The following JAK1 variants were observed in gnomAD, a reference collection of about 807,000 sequenced individuals.
JAK1 encodes Janus kinase 1.
Under a neutral mutation model 136.6 loss-of-function variants are expected in JAK1, and 16 were observed. The observed-to-expected ratio is 0.12, with a 90% CI of 0.08 to 0.18. The LOEUF (loss-of-function observed/expected upper bound fraction) is 0.18, where lower values mean the gene tolerates loss of function less well. Among genes scored for constraint, JAK1 ranks in the 10% least tolerant of loss-of-function variants. The pLI is 1.00. For synonymous variants in JAK1, 492 were observed against 519.5 expected, an observed-to-expected ratio of 0.95 and a Z score of 0.72; for missense variants, 859 against 1,450.1, an observed-to-expected ratio of 0.59 and a Z score of 6.62.
chr1:65,002,050 T>A (rs1646763221), intron 2 of JAK1, among the ~76,000 whole-genome samples: 1 of 152,068 alleles, frequency 6.6e-6, no homozygotes, highest in South Asian at 2.1e-4. Flanking sequence ...ATCTTCCAAC[T>A]ACTCCTTACA....
At chr1:64,926,625 T>G (rs1311371129) in intron 1 of JAK1, among the ~76,000 whole-genome samples, 1 of 152,180 alleles carries the variant, frequency 6.6e-6, no homozygotes, top group Non-Finnish European at 1.5e-5. Flanking sequence ...TGACTTGATG[T>G]GGCTGCCATT....
Position 64,850,888 on chromosome 1 carries a change from A to G in JAK1, c.1671T>C (p.Ala557=). ...GCTGCCACTCCTGGGCTTTCTTAGT[A>G]GCCACCAGCAGGTTGGAGATTTCTG... is the stretch of plus-strand genomic sequence containing the variant. The part of the protein sequence containing the change: ...KPREISNLLV[A]TKKAQEWQPV... The change falls in exon 12 of 25, where the codon GCT becomes GCC. Residue 557 remains alanine, a synonymous_variant. Coordinates refer to ENST00000342505, the MANE Select transcript of JAK1 (RefSeq NM_002227.4). 6.2e-7 allele frequency: 1 copy of G among 1,613,754 alleles called. No homozygotes were observed. Among genetic ancestry groups the G allele is most frequent in the Non-Finnish European group, 8.5e-7 (1 of 1,179,672 alleles).
intron 1 of JAK1, among the ~76,000 whole-genome samples, chr1:64,926,149 A>G (rs889942057): frequency 2.0e-5 from 3 of 152,156 alleles, no homozygotes; most frequent in East Asian, 1.9e-4. Context: ...AAAGCTTCGC[A>G]ATGGCATCAA....
At position 64,860,191 on chromosome 1, in the gene JAK1, T is replaced by G. The variant is rs747334398; in HGVS notation, c.1248A>C (p.Thr416=). 7 of 1,611,598 alleles carry G rather than the reference T, an allele frequency of 4.3e-6. No homozygotes were observed. The highest frequency in any genetic ancestry group is 5.1e-6 in the Non-Finnish European group (6 of 1,178,282). ...VSLVDGYFRL[T]ADAHHYLCTD... is the part of the protein sequence containing the mutation. Reference sequence around the variant, plus strand: ...TGCAGAGGTAATGATGGGCATCTGCTGTGAGCCGGAAGTAGCCATCTACCA... The same window carrying G: ...TGCAGAGGTAATGATGGGCATCTGCGGTGAGCCGGAAGTAGCCATCTACCA... The change falls in exon 9 of 25, where the codon ACA becomes ACC. Residue 416 remains threonine (T), a synonymous_variant. Coordinates refer to ENST00000342505, the MANE Select transcript of JAK1 (RefSeq NM_002227.4).
At chr1:65,023,421 T>A (rs1360805894) in intron 2 of JAK1, among the ~76,000 whole-genome samples, 1 of 152,172 alleles carries the variant, frequency 6.6e-6, no homozygotes, top group African/African-American at 2.4e-5. Context: ...TTGTACACAT[T>A]AATGTAACTA....
chr1:64,989,740 G>A (rs980617234), intron 2 of JAK1: 8 of 152,138 alleles, frequency 5.3e-5, no homozygotes, highest in African/African-American at 1.7e-4. Context: ...TGAGAACAGA[G>A]TTTCTTTGGG....
intron 1 of JAK1, among the ~76,000 whole-genome samples, chr1:64,950,081 A>C (rs1646055174): frequency 6.6e-6 from 1 of 152,218 alleles, no homozygotes; most frequent in African/African-American, 2.4e-5. Context: ...GAAAAGAATA[A>C]GTAAAAACAT....
At chr1:64,874,142 G>A (rs1263504021) in intron 4 of JAK1, among the ~76,000 whole-genome samples, 2 of 152,114 alleles carry the variant, frequency 1.3e-5, no homozygotes, top group Non-Finnish European at 2.9e-5. Context: ...CTACAAGGAA[G>A]GTTTCATTCA....
At chr1:64,854,944 GGCAGCCCCCTGT>G (rs1158482607) in intron 11 of JAK1, among the ~76,000 whole-genome samples, 4 of 152,154 alleles carry the variant, frequency 2.6e-5, no homozygotes, top group Admixed American at 2.0e-4. Context: ...GCCTCCTCCA[GGCAGCCCCCTGT>G]GCCACGGAAC....
At position 64,883,470 on chromosome 1, in the gene JAK1, T is replaced by G. The variant is rs200903775; in HGVS notation, c.12A>C (p.Leu4=). ...TGGCATTGCAGTCCTCTTTTATATT[T>G]AGATACTGTTGTGGAAGGAAAACAA... MQY[L]NIKEDCNAMA... The change falls in exon 3 of 25, where the codon CTA becomes CTC. Residue 4 remains leucine (L), a synonymous_variant. Transcript: ENST00000342505. 3 of 1,613,260 alleles carry G rather than the reference T, an allele frequency of 1.9e-6. No individual in the cohort carries two copies. The highest frequency in any genetic ancestry group is 2.5e-6 in the Non-Finnish European group (3 of 1,179,460).
At chr1:64,846,924 C>G (rs1484286222) in intron 13 of JAK1, 188 bp from the exon 14 acceptor site, 1 of 587,418 alleles carries the variant, frequency 1.7e-6, no homozygotes, top group Non-Finnish European at 3.0e-6. Context: ...CTGGGCCAAC[C>G]TGGCAGGGAT....
At chr1:64,977,168 G>GT (rs1646503813) in intron 2 of JAK1, among the ~76,000 whole-genome samples, 2 of 76,318 alleles carry the variant, frequency 2.6e-5, no homozygotes, top group Non-Finnish European at 5.4e-5. Context: ...TTTGTTTGTT[G>GT]AGATAGGATC....
At chr1:65,025,803 G>A (rs569992231) in intron 2 of JAK1, among the ~76,000 whole-genome samples, 7 of 152,094 alleles carry the variant, frequency 4.6e-5, no homozygotes, top group South Asian at 2.1e-4. Flanking sequence ...TCAGCCTCCC[G>A]AGTAGCTGTG....
chr1:64,913,181 G>A (rs1304453618), intron 1 of JAK1, among the ~76,000 whole-genome samples: 2 of 152,040 alleles, frequency 1.3e-5, no homozygotes, highest in African/African-American at 2.4e-5. Context: ...ACACCATCAC[G>A]CCTGGCTAAT....
intron 12 of JAK1, among the ~76,000 whole-genome samples, chr1:64,850,098 G>A (rs558950473): frequency 6.6e-6 from 1 of 152,238 alleles, no homozygotes; most frequent in African/African-American, 2.4e-5. Context: ...GGTGGTGAGT[G>A]GCCCCGTGCT....
intron 1 of JAK1, among the ~76,000 whole-genome samples, chr1:65,059,300 T>C (rs890923436): frequency 2.0e-5 from 3 of 152,220 alleles, no homozygotes; most frequent in Admixed American, 6.5e-5. Context: ...ATATTCAGTT[T>C]ACACAAACAA....
Position 64,950,212 on chromosome 1 carries a change from A to T in JAK1, c.-78+16121T>A, listed in dbSNP as rs183414115. ...ATCACAAGGTCAGGAGATCGAGACC[A>T]TCCTGGCCAACATGGTGAAACCCCG... On this transcript the variant is annotated intron_variant, in intron 1 of 24. Transcript: ENST00000342505. Among the ~76,000 whole-genome samples, 77 of 152,280 alleles carry T rather than the reference A, an allele frequency of 5.1e-4. No homozygotes were observed. In the East Asian group the frequency reaches 0.011, roughly 22 times the overall value.
chr1:65,000,569 A>G (rs1646746286), intron 2 of JAK1, among the ~76,000 whole-genome samples: 1 of 152,104 alleles, frequency 6.6e-6, no homozygotes. Context: ...TTCCGGACAC[A>G]ATTTTTAAGT....
chr1:65,016,168 G>T (rs554298251), intron 2 of JAK1, among the ~76,000 whole-genome samples: 2 of 152,150 alleles, frequency 1.3e-5, no homozygotes, highest in Non-Finnish European at 2.9e-5. Context: ...TAAACTAGAC[G>T]CAAGTTTGTC....
Sources: allele counts gnomAD v4.1 joint callset (sites outside exome capture counted in the v4.1 genomes callset), GRCh38; gene constraint gnomAD v4.1.1; transcripts MANE v1.5; gene names NCBI Gene and HGNC (gene_info 2026-07-23, HGNC 2026-07-21).